The following ZFYVE28 variants were observed in gnomAD, a reference collection of about 807,000 sequenced individuals.
ZFYVE28 encodes lateral signaling target protein 2 homolog.
Under a neutral mutation model 82.1 loss-of-function variants are expected in ZFYVE28, and 40 were observed. The ratio of observed to expected loss-of-function variants is 0.49; its 90% CI spans 0.38 to 0.63. The LOEUF is 0.63. Ranked by LOEUF, ZFYVE28 falls within the 30% of genes least tolerant of loss-of-function variation. ZFYVE28 has a pLI of 0.00. For synonymous variants in ZFYVE28, 612 were observed against 546.1 expected (o/e 1.12, Z -1.68); for missense variants, 1,321 against 1,242.1 (o/e 1.06, Z -0.96).
intron 1 of ZFYVE28, among the ~76,000 whole-genome samples, chr4:2,359,141 A>ATT (rs60652968): frequency 2.1e-5 from 3 of 144,272 alleles, no homozygotes; most frequent in African/African-American, 7.6e-5. Flanking sequence ...GGCCCGGCTA[A>ATT]TTTTTTTTTT....
At chr4:2,396,423 A>C (rs113676551) in intron 1 of ZFYVE28, among the ~76,000 whole-genome samples, 1 of 18,998 alleles carries the variant, frequency 5.3e-5, no homozygotes, top group Non-Finnish European at 8.5e-5. Flanking sequence ...CAGAGGGGAC[A>C]CAAGGCGGGG....
chr4:2,385,742 A>G (rs1267497760), intron 1 of ZFYVE28, among the ~76,000 whole-genome samples: 1 of 152,132 alleles, frequency 6.6e-6, no homozygotes, highest in Non-Finnish European at 1.5e-5. Context: ...AACAAAAAAA[A>G]CAAAAAACAC....
Position 2,304,274 on chromosome 4 carries a change from CAGACTG to C in ZFYVE28, c.2051+9_2051+14del, listed in dbSNP as rs1345776321. ...GAGAGGACAAACCCAGTCTCTGGGCCAGACTGGCTCTTACCTGGAGCCCGACAGGGC... is the reference window on the plus strand; with the variant it reads ...GAGAGGACAAACCCAGTCTCTGGGCCGCTCTTACCTGGAGCCCGACAGGGC... On this transcript the variant is annotated intron_variant, in intron 8 of 12. Coordinates refer to ENST00000290974, the MANE Select transcript of ZFYVE28 (RefSeq NM_020972.3). 13 of 1,546,452 alleles carry C rather than the reference CAGACTG, an allele frequency of 8.4e-6. No individual in the cohort carries two copies. Among genetic ancestry groups the C allele is most frequent in the Non-Finnish European group, 1.0e-5 (12 of 1,156,022 alleles).
rs535208838 is a variant in ZFYVE28 at position 2,280,861 on chromosome 4, C to T, written c.2052-6645G>A. Among the ~76,000 whole-genome samples, 7 of 152,340 alleles carry T rather than the reference C, an allele frequency of 4.6e-5. No homozygotes were observed. In the East Asian group the frequency reaches 7.7e-4, roughly 17 times the overall value. ...AACACCCTGAAGCTGGGAAGGCTAT[C>T]TGGACAAGCATCCTGCTACTGAAGC... On this transcript the variant is annotated intron_variant, in intron 8 of 12. Transcript: ENST00000290974.
intron 8 of ZFYVE28, among the ~76,000 whole-genome samples, chr4:2,298,528 G>A (rs1405755507): frequency 6.6e-6 from 1 of 152,182 alleles, no homozygotes; most frequent in Non-Finnish European, 1.5e-5. Context: ...GAAGGAAGGC[G>A]CACACAGGCG....
intron 4 of ZFYVE28, among the ~76,000 whole-genome samples, chr4:2,338,595 A>AAAAT (rs545143162): frequency 1.2e-4 from 18 of 152,270 alleles, no homozygotes; most frequent in South Asian, 8.3e-4. Context: ...TCCGTCTCAG[A>AAAAT]AAATAAATAA....
At chr4:2,338,154 A>C (rs1225014893) in intron 4 of ZFYVE28, among the ~76,000 whole-genome samples, 1 of 152,048 alleles carries the variant, frequency 6.6e-6, no homozygotes, top group East Asian at 1.9e-4. Context: ...CCCCACATGA[A>C]CCTCCGCACG....
intron 1 of ZFYVE28, among the ~76,000 whole-genome samples, chr4:2,386,505 C>A (rs1729273823): frequency 6.6e-6 from 1 of 152,182 alleles, no homozygotes; most frequent in Non-Finnish European, 1.5e-5. Flanking sequence ...GAGGTGGGGC[C>A]TTTAAGAGGT....
chr4:2,306,998 G>T, intron 7 of ZFYVE28: 1 of 152,298 alleles, frequency 6.6e-6, no homozygotes, highest in East Asian at 1.9e-4. Context: ...CTGACAGAGG[G>T]GAGCAGCCGG....
Position 2,335,722 on chromosome 4 carries a change from G to T in ZFYVE28, c.684C>A (p.Pro228=). The T allele has an allele frequency of 6.3e-7, 1 of 1,576,306 alleles. No homozygotes were observed. Among genetic ancestry groups the T allele is most frequent in the East Asian group, 2.3e-5 (1 of 43,204 alleles). Residue 228 remains proline, a synonymous_variant, in exon 6 of 13, where the codon CCC becomes CCA. Transcript: ENST00000290974. This position sits in a 1 kb window ranked among gnomAD's most constrained non-coding sequence, Gnocchi z 5.8. ...DYEPALMFSI[P]RLAIVCGLVV... ...GCACTCACCACACGATGGCCAGCCT[G>T]GGGATGCTGAACATGAGGGCCGGCT...
intron 1 of ZFYVE28, among the ~76,000 whole-genome samples, chr4:2,358,540 G>C (rs948864804): frequency 6.6e-6 from 1 of 152,188 alleles, no homozygotes; most frequent in African/African-American, 2.4e-5. Context: ...GGCAGCCTGT[G>C]TGCCTCAGGG....
chr4:2,339,745 G>A lies in ZFYVE28; in HGVS notation c.319-90C>T. 1.6e-6 allele frequency: 2 copies of A among 1,276,336 alleles called. No individual in the cohort carries two copies. Among genetic ancestry groups the A allele is most frequent in the Non-Finnish European group, 2.1e-6 (2 of 938,948 alleles). The allele number at this position is 1,276,336 out of a possible 1,614,324, so 79.1% of individuals were successfully genotyped here. The stretch of plus-strand genomic sequence containing the variant: ...CCGGGGAACCTGACTGCGCACCTCG[G>A]GGCCCCTCTTCTCACCCCACAGCAC... On this transcript the variant is annotated intron_variant, in intron 3 of 12. Coordinates refer to ENST00000290974, the MANE Select transcript of ZFYVE28 (RefSeq NM_020972.3). This position sits in a 1 kb window ranked among gnomAD's most constrained non-coding sequence, Gnocchi z 5.0.
chr4:2,418,413 G>T lies in ZFYVE28; in HGVS notation c.-90C>A. 9.5e-7 allele frequency: 1 copy of T among 1,047,546 alleles called. No individual in the cohort carries two copies. Among genetic ancestry groups the T allele is most frequent in the Non-Finnish European group, 1.2e-6 (1 of 852,044 alleles). The allele number at this position is 1,047,546 out of a possible 1,614,324, so 64.9% of individuals were successfully genotyped here. On this transcript the variant is annotated 5_prime_UTR_variant, in exon 1 of 13. Coordinates refer to ENST00000290974, the MANE Select transcript of ZFYVE28 (RefSeq NM_020972.3). This position sits in a 1 kb window ranked among gnomAD's most constrained non-coding sequence, Gnocchi z 4.6. Reference sequence around the variant, plus strand: ...GGCTGAGGCGCGGGGCGGACGCGGAGGCACGGCCGGAGCCCCCGCGCTGTC... The same window carrying T: ...GGCTGAGGCGCGGGGCGGACGCGGATGCACGGCCGGAGCCCCCGCGCTGTC...
intron 1 of ZFYVE28, among the ~76,000 whole-genome samples, chr4:2,378,146 C>T (rs1443365724): frequency 6.6e-6 from 1 of 152,210 alleles, no homozygotes; most frequent in African/African-American, 2.4e-5. Flanking sequence ...TCGAGACCAG[C>T]CTGGCCAACA....
At chr4:2,334,046 C>A (rs1721162395) in intron 6 of ZFYVE28, among the ~76,000 whole-genome samples, 1 of 152,196 alleles carries the variant, frequency 6.6e-6, no homozygotes, top group African/African-American at 2.4e-5. Flanking sequence ...GCCCTGAGGT[C>A]TTCAGGTGAA....
chr4:2,274,017 G>T (rs375407206), intron 9 of ZFYVE28, 45 bp downstream of exon 9: 1 of 1,603,222 alleles, frequency 6.2e-7, no homozygotes, highest in Non-Finnish European at 8.5e-7. Context: ...AGCGCAGCCC[G>T]TGTGTCCTCA....
At chr4:2,303,849 G>C (rs761496007) in intron 8 of ZFYVE28, among the ~76,000 whole-genome samples, 31 of 152,322 alleles carry the variant, frequency 2.0e-4, no homozygotes, top group Middle Eastern at 3.4e-3. Flanking sequence ...CAGCCACAGT[G>C]GTCAGCAAAG....
chr4:2,283,351 CCATCCATCCATCCATCCATCCAAT>C (rs1712222156), intron 8 of ZFYVE28, among the ~76,000 whole-genome samples: 1 of 143,726 alleles, frequency 7.0e-6, no homozygotes, highest in African/African-American at 2.6e-5. Context: ...ATTTATCCAT[CCATCCATCCATCCATCCATCCAAT>C]CATCCATCCA....
chr4:2,310,040 CTTTT>C (rs561831393), intron 7 of ZFYVE28, among the ~76,000 whole-genome samples: 2 of 148,978 alleles, frequency 1.3e-5, no homozygotes, highest in African/African-American at 4.9e-5. Flanking sequence ...GAATACATTT[CTTTT>C]TTTTTTAATT....
Sources: allele counts gnomAD v4.1 joint callset (sites outside exome capture counted in the v4.1 genomes callset), GRCh38; gene constraint gnomAD v4.1.1; non-coding constraint Gnocchi (gnomAD v3.1); transcripts MANE v1.5; gene names NCBI Gene and HGNC (gene_info 2026-07-23, HGNC 2026-07-21).